The following RANBP2 variants were observed in gnomAD, a reference collection of about 807,000 sequenced individuals.
RANBP2 encodes RAN binding protein 2, also known as E3 SUMO-protein ligase RanBP2.
In RANBP2, 57 loss-of-function variants were observed where a neutral mutation model predicts 303.6. The ratio of observed to expected loss-of-function variants is 0.19; its 90% confidence interval spans 0.15 to 0.23. RANBP2 has a LOEUF of 0.23. Among genes scored for constraint, RANBP2 ranks in the 10% least tolerant of loss-of-function variants. The pLI is 1.00. For synonymous variants in RANBP2, 1,167 were observed against 1,301.5 expected (o/e 0.90, Z 2.23); for missense variants, 3,138 against 3,780.8 (o/e 0.83, Z 4.46).
At chr2:109,101,977 G>A in the RANBP2 span, among the ~76,000 whole-genome samples, 1 of 152,196 alleles carries the variant, frequency 6.6e-6, no homozygotes, top group Non-Finnish European at 1.5e-5. Flanking sequence ...GGATCAGGGT[G>A]AAATCTCCAT....
the RANBP2 span, among the ~76,000 whole-genome samples, chr2:109,442,012 TAATA>T: frequency 1.3e-5 from 2 of 152,252 alleles, no homozygotes; most frequent in East Asian, 3.9e-4. Context: ...ATTTTGTCTC[TAATA>T]AATCCACACT....
chr2:109,692,588 G>A, the RANBP2 span, among the ~76,000 whole-genome samples: 15 of 152,264 alleles, frequency 9.9e-5, no homozygotes, highest in South Asian at 1.0e-3. Context: ...GCTGGAGGCC[G>A]AGGCCGTGTG....
rs148596328 is a variant in RANBP2, at chr2:108,771,817, A to G, written c.7966A>G (p.Thr2656Ala). Reference protein sequence around the residue: ...ALATKLKLPPTFFCYKNRPDY... With the variant: ...ALATKLKLPPAFFCYKNRPDY... Reference sequence around the variant, plus strand: ...TGCAACCAAACTTAAACTTCCTCCAACTTTCTTCTGCTACAAGAATAGACC... The same window carrying G: ...TGCAACCAAACTTAAACTTCCTCCAGCTTTCTTCTGCTACAAGAATAGACC... The change falls in exon 21 of 29, where the codon ACT (threonine) becomes GCT (alanine). Residue 2656 changes from threonine (T) to alanine (A), a missense_variant. Physicochemically the swap from Thr to Ala is moderately conservative, Grantham distance 58. Transcript: ENST00000283195. The G allele has an allele frequency of 5.9e-4, 958 of 1,613,878 alleles. No homozygotes were observed. The highest frequency in any genetic ancestry group is 7.6e-4 in the Non-Finnish European group (900 of 1,179,960).
the RANBP2 span, chr2:108,912,821 C>T: frequency 7.1e-7 from 1 of 1,410,548 alleles, no homozygotes. Context: ...TTCAAAGACG[C>T]TGCCACAGAG....
the RANBP2 span, among the ~76,000 whole-genome samples, chr2:109,275,122 CTTA>C: frequency 2.6e-5 from 4 of 152,180 alleles, no homozygotes; most frequent in South Asian, 2.1e-4. Flanking sequence ...GCTTGTCTGC[CTTA>C]TTATCACCAC....
At chr2:108,806,271 T>G in the RANBP2 span, among the ~76,000 whole-genome samples, 1 of 152,234 alleles carries the variant, frequency 6.6e-6, no homozygotes, top group Non-Finnish European at 1.5e-5. Flanking sequence ...CACTCTCTTG[T>G]GAGGATTTTA....
chr2:109,414,414 G>A, the RANBP2 span, among the ~76,000 whole-genome samples: 1 of 152,072 alleles, frequency 6.6e-6, no homozygotes, highest in Non-Finnish European at 1.5e-5. Flanking sequence ...GGTTTCATCT[G>A]GTTTTTCAGT....
At chr2:108,931,808 G>A in the RANBP2 span, among the ~76,000 whole-genome samples, 1,701 of 152,156 alleles carry the variant, frequency 0.011, 35 homozygotes, top group African/African-American at 0.038. Flanking sequence ...GGTAGTCTGG[G>A]TATTAATTAG....
the RANBP2 span, among the ~76,000 whole-genome samples, chr2:109,341,312 C>G: frequency 6.6e-6 from 1 of 152,176 alleles, no homozygotes; most frequent in African/African-American, 2.4e-5. Flanking sequence ...CGGATTAAAT[C>G]TATAAAGTGG....
the RANBP2 span, among the ~76,000 whole-genome samples, chr2:109,699,880 C>T: frequency 6.6e-6 from 1 of 152,168 alleles, no homozygotes; most frequent in Non-Finnish European, 1.5e-5. Flanking sequence ...ACTTCGCCTC[C>T]AGGAAGTAAG....
At chr2:109,374,352 C>G in the RANBP2 span, among the ~76,000 whole-genome samples, 60 of 152,262 alleles carry the variant, frequency 3.9e-4, no homozygotes, top group African/African-American at 1.4e-3. Flanking sequence ...CCCGGACTCT[C>G]AGCAGCCACT....
the RANBP2 span, among the ~76,000 whole-genome samples, chr2:109,316,921 G>T: frequency 6.6e-6 from 1 of 152,138 alleles, no homozygotes; most frequent in Non-Finnish European, 1.5e-5. Flanking sequence ...TTTCAGACTG[G>T]CTTCTCTCTC....
chr2:109,406,096 C>T, the RANBP2 span, among the ~76,000 whole-genome samples: 2 of 152,158 alleles, frequency 1.3e-5, no homozygotes, highest in Non-Finnish European at 2.9e-5. Flanking sequence ...GATGGCCCGT[C>T]CTGCTCATGT....
At chr2:108,746,383 GTT>G (rs1187199508) in intron 7 of RANBP2, among the ~76,000 whole-genome samples, 1 of 146,932 alleles carries the variant, frequency 6.8e-6, no homozygotes, top group Non-Finnish European at 1.5e-5. Context: ...CTGGCTCTTT[GTT>G]TTTTTTTTAT....
At chr2:109,277,681 C>T in the RANBP2 span, among the ~76,000 whole-genome samples, 1 of 152,190 alleles carries the variant, frequency 6.6e-6, no homozygotes, top group Non-Finnish European at 1.5e-5. Flanking sequence ...ACTCAGGGTG[C>T]CTCCCATTCA....
the RANBP2 span, among the ~76,000 whole-genome samples, chr2:109,402,982 A>G: frequency 6.6e-6 from 1 of 152,136 alleles, no homozygotes; most frequent in African/African-American, 2.4e-5. Context: ...CATCGACTGC[A>G]GTTGATACAC....
chr2:109,251,265 A>C, the RANBP2 span, among the ~76,000 whole-genome samples: 1 of 152,166 alleles, frequency 6.6e-6, no homozygotes, highest in South Asian at 2.1e-4. Context: ...AGCCTCCCAA[A>C]GTGCTGGGAT....
At chr2:108,777,334 C>G in intron 25 of RANBP2, 103 bp downstream of exon 25, 1 of 532,744 alleles carries the variant, frequency 1.9e-6, no homozygotes, top group Non-Finnish European at 3.0e-6. Context: ...GAAGTTTCTT[C>G]CCTTACCCCC....
At chr2:109,582,833 T>G in the RANBP2 span, among the ~76,000 whole-genome samples, 3 of 152,064 alleles carry the variant, frequency 2.0e-5, no homozygotes, top group South Asian at 6.2e-4. Flanking sequence ...AACAGACAAA[T>G]AGACCAATGG....
Sources: allele counts gnomAD v4.1 joint callset (sites outside exome capture counted in the v4.1 genomes callset), GRCh38; gene constraint gnomAD v4.1.1; transcripts MANE v1.5; gene names NCBI Gene and HGNC (gene_info 2026-07-23, HGNC 2026-07-21).